Variants in OR9Q1 observed in about 807,000 individuals in gnomAD.
The protein encoded by OR9Q1 is olfactory receptor family 9 subfamily Q member 1.
For synonymous variants in OR9Q1, 153 were observed against 148.6 expected, an observed-to-expected ratio of 1.03 and a Z score of -0.22; for missense variants, 374 against 378.8, an observed-to-expected ratio of 0.99 and a Z score of 0.11.
chr11:58,149,161 AAT>A (rs1491226457), intron 2 of OR9Q1, among the ~76,000 whole-genome samples: 1 of 152,182 alleles, frequency 6.6e-6, no homozygotes, highest in Non-Finnish European at 1.5e-5. Flanking sequence ...ACCCTTACTA[AAT>A]ATGCTTCTTT....
chr11:58,083,131 GT>G (rs1457578539), intron 2 of OR9Q1, among the ~76,000 whole-genome samples: 6 of 152,062 alleles, frequency 3.9e-5, no homozygotes, highest in Admixed American at 2.0e-4. Flanking sequence ...TTCTTCTAGA[GT>G]TTTTACGGAG....
intron 2 of OR9Q1, chr11:58,119,317 A>G: frequency 6.2e-7 from 1 of 1,613,970 alleles, no homozygotes; most frequent in Non-Finnish European, 8.5e-7. Context: ...AATCATCCCC[A>G]CATTCCCAAG....
At chr11:58,054,750 C>G (rs901895917) in intron 1 of OR9Q1, among the ~76,000 whole-genome samples, 1 of 152,116 alleles carries the variant, frequency 6.6e-6, no homozygotes, top group Non-Finnish European at 1.5e-5. Context: ...ATGGTAAAAC[C>G]CCATCTCTAC....
At chr11:58,161,448 G>A (rs1854456808) in intron 2 of OR9Q1, among the ~76,000 whole-genome samples, 2 of 152,084 alleles carry the variant, frequency 1.3e-5, no homozygotes, top group South Asian at 4.2e-4. Context: ...GGGATTTCCA[G>A]TGGGAAATCT....
intron 2 of OR9Q1, among the ~76,000 whole-genome samples, chr11:58,064,431 C>G (rs183489289): frequency 1.3e-5 from 2 of 152,178 alleles, no homozygotes; most frequent in Non-Finnish European, 2.9e-5. Context: ...GTGGTTTTCT[C>G]TTTCCAGGCA....
At chr11:58,119,135 A>G in intron 2 of OR9Q1, 1 of 1,614,046 alleles carries the variant, frequency 6.2e-7, no homozygotes, top group African/African-American at 1.3e-5. Context: ...CAGATGGTGA[A>G]TAAAAAGAAC....
intron 1 of OR9Q1, among the ~76,000 whole-genome samples, chr11:58,052,715 T>C (rs35202916): frequency 7.3e-6 from 1 of 136,296 alleles, no homozygotes. Flanking sequence ...AAAGGGCTAA[T>C]ATCCAGAATC....
chr11:58,076,119 G>A (rs1293534829), intron 2 of OR9Q1, among the ~76,000 whole-genome samples: 1 of 152,162 alleles, frequency 6.6e-6, no homozygotes, highest in African/African-American at 2.4e-5. Flanking sequence ...TTTACTCTCT[G>A]GCCCTTTATG....
chr11:58,030,433 C>G (rs1853020031), intron 1 of OR9Q1, among the ~76,000 whole-genome samples: 1 of 152,186 alleles, frequency 6.6e-6, no homozygotes, highest in South Asian at 2.1e-4. Context: ...CAGGAATTAT[C>G]TAACTTACAT....
chr11:58,169,500 C>T (rs958328741), intron 2 of OR9Q1, among the ~76,000 whole-genome samples: 2 of 152,046 alleles, frequency 1.3e-5, no homozygotes, highest in African/African-American at 4.8e-5. Flanking sequence ...CTCTGGGAAG[C>T]GTAGCAGGTT....
chr11:58,159,915 A>G (rs1316952331), intron 2 of OR9Q1, among the ~76,000 whole-genome samples: 5 of 152,228 alleles, frequency 3.3e-5, no homozygotes. Context: ...GATGGGGTCT[A>G]TGATCTTTTC....
At chr11:58,094,323 G>C (rs1853711300) in intron 2 of OR9Q1, among the ~76,000 whole-genome samples, 1 of 152,136 alleles carries the variant, frequency 6.6e-6, no homozygotes, top group Non-Finnish European at 1.5e-5. Context: ...ATGGATGATT[G>C]AAAATTACTT....
Position 58,179,564 on chromosome 11 carries a change from G to A in OR9Q1, c.120G>A (p.Leu40=), listed in dbSNP as rs747403711. 1.2e-6 allele frequency: 2 copies of A among 1,613,398 alleles called. No individual in the cohort carries two copies. The highest frequency in any genetic ancestry group is 3.3e-5 in the Admixed American group (2 of 59,944). ...LFLFMYLITV[L]GNLEMIILIL... is the part of the protein sequence containing the mutation. ...TATTTATGTATCTCATCACCGTATT[G>A]GGGAACTTAGAGATGATTATTCTGA... The change falls in exon 3 of 3, where the codon TTG becomes TTA. Residue 40 remains leucine (L), a synonymous_variant. Transcript: ENST00000335397.
chr11:58,109,814 G>A (rs1346394957), intron 2 of OR9Q1, among the ~76,000 whole-genome samples: 1 of 152,124 alleles, frequency 6.6e-6, no homozygotes, highest in African/African-American at 2.4e-5. Context: ...TCCACAACTG[G>A]CAGTTACTAT....
At chr11:58,145,573 C>T (rs750049469) in intron 2 of OR9Q1, among the ~76,000 whole-genome samples, 1 of 152,030 alleles carries the variant, frequency 6.6e-6, no homozygotes, top group African/African-American at 2.4e-5. Flanking sequence ...TCTTTATTGG[C>T]TTTATGATGT....
chr11:58,107,980 A>C (rs547077306), intron 2 of OR9Q1, among the ~76,000 whole-genome samples: 1 of 152,264 alleles, frequency 6.6e-6, no homozygotes, highest in South Asian at 2.1e-4. Flanking sequence ...GACCCTGGGA[A>C]CAAGCCTGAG....
At chr11:58,112,288 G>A (rs1454495050) in intron 2 of OR9Q1, among the ~76,000 whole-genome samples, 3 of 127,618 alleles carry the variant, frequency 2.4e-5, no homozygotes, top group South Asian at 3.3e-4. Flanking sequence ...GTGAGACTTC[G>A]TCTCAAAGAA....
intron 2 of OR9Q1, among the ~76,000 whole-genome samples, chr11:58,097,194 A>G (rs966499954): frequency 2.0e-5 from 3 of 152,126 alleles, no homozygotes; most frequent in African/African-American, 7.2e-5. Flanking sequence ...ATGTCGTTGT[A>G]TGTATAAATA....
At chr11:58,132,760 G>A (rs1854154179) in intron 2 of OR9Q1, among the ~76,000 whole-genome samples, 1 of 152,152 alleles carries the variant, frequency 6.6e-6, no homozygotes. Context: ...GGTTGAGTGA[G>A]GAGAGATTGA....
Sources: allele counts gnomAD v4.1 joint callset (sites outside exome capture counted in the v4.1 genomes callset), GRCh38; gene constraint gnomAD v4.1.1; transcripts MANE v1.5; gene names NCBI Gene and HGNC (gene_info 2026-07-23, HGNC 2026-07-21).